Variants in CADPS observed in about 807,000 individuals in gnomAD.
The protein encoded by CADPS is calcium dependent secretion activator, also known as calcium-dependent secretion activator 1.
Under a neutral mutation model 167.3 loss-of-function variants are expected in CADPS, and 57 were observed. That is an observed-to-expected ratio of 0.34 (90% confidence interval 0.28 to 0.42). The LOEUF (loss-of-function observed/expected upper bound fraction) is 0.42, where lower values mean the gene tolerates loss of function less well. Ranked by LOEUF, CADPS falls within the 20% of genes least tolerant of loss-of-function variation. The pLI is 1.00. For synonymous variants in CADPS, 676 were observed against 635.3 expected (o/e 1.06, Z -0.96); for missense variants, 1,414 against 1,738.1 (o/e 0.81, Z 3.32).
chr3:62,754,818 C>T (rs1319962558), intron 2 of CADPS, among the ~76,000 whole-genome samples: 2 of 152,190 alleles, frequency 1.3e-5, no homozygotes, highest in Non-Finnish European at 2.9e-5. Flanking sequence ...AAGTGCCTGG[C>T]ATGATATCAG....
intron 26 of CADPS, among the ~76,000 whole-genome samples, chr3:62,463,318 A>G (rs1053780237): frequency 1.3e-5 from 2 of 152,146 alleles, no homozygotes; most frequent in African/African-American, 4.8e-5. Flanking sequence ...AGCTTTCCTG[A>G]GTTTCACAGG....
chr3:62,415,135 C>A (rs555572394), intron 28 of CADPS, among the ~76,000 whole-genome samples: 2 of 151,218 alleles, frequency 1.3e-5, no homozygotes. Flanking sequence ...TACACGCACA[C>A]GTACGACATC....
chr3:62,849,261 C>T (rs2078076265), intron 1 of CADPS, among the ~76,000 whole-genome samples: 1 of 148,980 alleles, frequency 6.7e-6, no homozygotes, highest in African/African-American at 2.5e-5. Flanking sequence ...AATTGAATGC[C>T]CTTTATTTCC....
At chr3:62,634,206 A>C (rs1205405454) in intron 6 of CADPS, among the ~76,000 whole-genome samples, 1 of 152,198 alleles carries the variant, frequency 6.6e-6, no homozygotes, top group Non-Finnish European at 1.5e-5. Context: ...ATATAGCCTC[A>C]TCTTTACTTT....
chr3:62,474,472 T>C (rs2061015990), intron 23 of CADPS, 152 bp from the exon 24 acceptor site: 6 of 690,062 alleles, frequency 8.7e-6, no homozygotes, highest in Non-Finnish European at 1.2e-5. Flanking sequence ...TTAAATGACT[T>C]TCCCAACTAA....
At chr3:62,733,787 G>A (rs1393051008) in intron 3 of CADPS, among the ~76,000 whole-genome samples, 5 of 152,074 alleles carry the variant, frequency 3.3e-5, no homozygotes, top group Non-Finnish European at 7.3e-5. Context: ...TGGTGCTCCT[G>A]TCACCCGAGC....
chr3:62,499,121 C>T (rs766070048), intron 18 of CADPS, 41 bp downstream of exon 18: 7 of 1,292,292 alleles, frequency 5.4e-6, no homozygotes, highest in Non-Finnish European at 7.9e-6. Flanking sequence ...GCAAGCTCAG[C>T]TAAGGGACAG....
intron 3 of CADPS, among the ~76,000 whole-genome samples, chr3:62,732,004 A>G (rs1168483522): frequency 2.0e-5 from 3 of 152,028 alleles, no homozygotes; most frequent in African/African-American, 7.2e-5. Flanking sequence ...CAAGGGGGAA[A>G]GAACAATCTA....
chr3:62,548,904 C>T (rs559227636), intron 11 of CADPS, among the ~76,000 whole-genome samples: 1 of 152,352 alleles, frequency 6.6e-6, no homozygotes, highest in East Asian at 1.9e-4. Flanking sequence ...GTGTCTGAAG[C>T]TCTCTTATTT....
intron 28 of CADPS, among the ~76,000 whole-genome samples, chr3:62,419,865 C>T (rs909503498): frequency 2.6e-5 from 4 of 152,170 alleles, no homozygotes; most frequent in East Asian, 1.9e-4. Flanking sequence ...CCAACTCTGC[C>T]GTCTTAAAAC....
chr3:62,752,337 A>G (rs1262819360), intron 3 of CADPS, among the ~76,000 whole-genome samples: 1 of 152,244 alleles, frequency 6.6e-6, no homozygotes, highest in Non-Finnish European at 1.5e-5. Flanking sequence ...TTTGTAATCA[A>G]TGTTTTCAAT....
intron 1 of CADPS, among the ~76,000 whole-genome samples, chr3:62,796,804 GA>G (rs1240089389): frequency 6.6e-6 from 1 of 152,144 alleles, no homozygotes; most frequent in East Asian, 1.9e-4. Flanking sequence ...CTGCAGAGAG[GA>G]AAAAAATTGA....
chr3:62,641,113 T>C (rs1280650009), intron 6 of CADPS, among the ~76,000 whole-genome samples: 2 of 152,188 alleles, frequency 1.3e-5, no homozygotes, highest in East Asian at 1.9e-4. Context: ...TGTATTTCTT[T>C]AAAAAGGAAA....
chr3:62,459,863 G>A (rs969486330), intron 26 of CADPS, among the ~76,000 whole-genome samples: 2 of 152,220 alleles, frequency 1.3e-5, no homozygotes, highest in Non-Finnish European at 2.9e-5. Context: ...CAGCACAAAG[G>A]AAGTGGAGAA....
At chr3:62,847,261 C>CTT (rs202175985) in intron 1 of CADPS, among the ~76,000 whole-genome samples, 7 of 133,068 alleles carry the variant, frequency 5.3e-5, no homozygotes, top group African/African-American at 8.8e-5. Flanking sequence ...GCAGCATTTT[C>CTT]TTTTTTTTTT....
chr3:62,402,054 G>T (rs1427573938), intron 29 of CADPS, among the ~76,000 whole-genome samples: 1 of 152,078 alleles, frequency 6.6e-6, no homozygotes, highest in South Asian at 2.1e-4. Context: ...GTATACATTC[G>T]TTTTTTAAGA....
At chr3:62,759,514 C>A (rs560800585) in intron 2 of CADPS, among the ~76,000 whole-genome samples, 1 of 151,962 alleles carries the variant, frequency 6.6e-6, no homozygotes, top group South Asian at 2.1e-4. Flanking sequence ...ATTTAGAATA[C>A]CATAGGAAAT....
chr3:62,476,498 C>T (rs2061346912), intron 23 of CADPS, among the ~76,000 whole-genome samples: 1 of 152,162 alleles, frequency 6.6e-6, no homozygotes, highest in African/African-American at 2.4e-5. Flanking sequence ...GGTTGCTTAA[C>T]AGCTACTGTG....
At chr3:62,450,896 A>C (rs1289108300) in intron 26 of CADPS, among the ~76,000 whole-genome samples, 1 of 152,182 alleles carries the variant, frequency 6.6e-6, no homozygotes, top group Non-Finnish European at 1.5e-5. Context: ...AAAAGAGATA[A>C]GCAACTTGGC....
Sources: allele counts gnomAD v4.1 joint callset (sites outside exome capture counted in the v4.1 genomes callset), GRCh38; gene constraint gnomAD v4.1.1; transcripts MANE v1.5; gene names NCBI Gene and HGNC (gene_info 2026-07-23, HGNC 2026-07-21).